SMARCA4: variants seen among roughly 807,000 people sequenced by gnomAD.
SMARCA4 encodes the protein SWI/SNF-related matrix-associated actin-dependent regulator of chromatin subfamily A member 4.
SMARCA4 carries 31 observed loss-of-function variants against 193.9 expected under a neutral mutation model. The ratio of observed to expected loss-of-function variants is 0.16; its 90% confidence interval spans 0.12 to 0.22. The LOEUF is 0.22. Among genes scored for constraint, SMARCA4 ranks in the 10% least tolerant of loss-of-function variants. SMARCA4 has a pLI of 1.00. For missense variants in SMARCA4, 1,148 were observed against 2,296.0 expected, an observed-to-expected ratio of 0.50 and a Z score of 10.22; for synonymous variants, 942 against 933.1, an observed-to-expected ratio of 1.01 and a Z score of -0.17.
At chr19:11,005,285 A>G (rs993828696) in intron 13 of SMARCA4, among the ~76,000 whole-genome samples, 1 of 152,182 alleles carries the variant, frequency 6.6e-6, no homozygotes, top group Admixed American at 6.5e-5. Context: ...TGGTTCCTGC[A>G]TAGTGTGTAT....
At chr19:11,060,263 T>G (rs1461205934) in intron 34 of SMARCA4, 76 bp downstream of exon 34, 1 of 1,516,868 alleles carries the variant, frequency 6.6e-7, no homozygotes, top group African/African-American at 1.4e-5. Flanking sequence ...GACAGCCCTG[T>G]GGGGCGGTGC....
At chr19:10,996,080 T>C (rs2087011399) in intron 9 of SMARCA4, 133 bp from the exon 10 acceptor site, 1 of 863,564 alleles carries the variant, frequency 1.2e-6, no homozygotes, top group African/African-American at 1.6e-5. Flanking sequence ...TCGATTGCCG[T>C]GTGAAGGGCT....
At chr19:11,002,538 T>G (rs1809103142) in intron 11 of SMARCA4, among the ~76,000 whole-genome samples, 1 of 151,234 alleles carries the variant, frequency 6.6e-6, no homozygotes, top group African/African-American at 2.4e-5. Flanking sequence ...GGCTCACGCC[T>G]GGAATCCCAG....
chr19:11,048,438 A>T (rs1157221321), intron 30 of SMARCA4, among the ~76,000 whole-genome samples: 1 of 152,226 alleles, frequency 6.6e-6, no homozygotes, highest in Admixed American at 6.5e-5. Flanking sequence ...AGAACCCTCT[A>T]AGTAGTTCAG....
intron 34 of SMARCA4, among the ~76,000 whole-genome samples, chr19:11,061,201 AAAAATATAT>A (rs1332028498): frequency 1.0e-4 from 7 of 69,954 alleles, no homozygotes; most frequent in African/African-American, 3.6e-4. Context: ...AAAAAAAAAA[AAAAATATAT>A]ATATATATAT....
intron 1 of SMARCA4, among the ~76,000 whole-genome samples, chr19:10,968,627 C>T (rs746078512): frequency 4.6e-5 from 7 of 152,100 alleles, no homozygotes; most frequent in Non-Finnish European, 5.9e-5. Flanking sequence ...TGATTACAGG[C>T]GTGATCCACT....
At chr19:11,014,471 A>C (rs2089166336) in intron 16 of SMARCA4, among the ~76,000 whole-genome samples, 1 of 152,196 alleles carries the variant, frequency 6.6e-6, no homozygotes, top group African/African-American at 2.4e-5. Flanking sequence ...CGCTGCAGGT[A>C]GCTGCACCTC....
Position 11,058,935 on chromosome 19 carries a change from G to A in SMARCA4, c.4635+46G>A, listed in dbSNP as rs1304373783. 2 of 1,462,384 alleles carry A rather than the reference G, an allele frequency of 1.4e-6. No individual in the cohort carries two copies. Among genetic ancestry groups the A allele is most frequent in the Admixed American group, 1.7e-5 (1 of 59,384 alleles). The allele number at this position is 1,462,384 out of a possible 1,614,324, so 90.6% of individuals were successfully genotyped here. A position where few individuals can be genotyped will look rare whatever the true frequency, so the allele number is the denominator to read the frequency against. Reference sequence around the variant, plus strand: ...TGGGGATGGGCCACTCCCACAGCTGGGCTTTGACCCAACCCGCCCCTCCTT... The same window carrying A: ...TGGGGATGGGCCACTCCCACAGCTGAGCTTTGACCCAACCCGCCCCTCCTT... On this transcript the variant is annotated intron_variant, in intron 32 of 34. Transcript: ENST00000344626. The surrounding 1 kb of genome is among the most constrained non-coding windows in gnomAD (Gnocchi z 5.8).
chr19:10,988,653 T>G (rs993456785), intron 6 of SMARCA4, among the ~76,000 whole-genome samples: 1 of 152,198 alleles, frequency 6.6e-6, no homozygotes, highest in African/African-American at 2.4e-5. Context: ...TGGGGTTCCC[T>G]CCTCATGGAG....
rs1417694502 is a variant in SMARCA4, at chr19:11,025,424, C to T, written c.3084C>T (p.Gly1028=). The T allele has an allele frequency of 6.2e-7, 1 of 1,612,420 alleles. No homozygotes were observed. The highest frequency in any genetic ancestry group is 8.5e-7 in the Non-Finnish European group (1 of 1,179,130). The change falls in exon 22 of 35, where the codon GGC becomes GGT. Residue 1028 remains glycine, a splice_region_variant and synonymous_variant. Transcript: ENST00000344626. ...GGTCCCTCTCATCTGCCTTCCAGGG[C>T]AAAGGCGGCACCAAGACCCTGATGA... is the stretch of plus-strand genomic sequence containing the variant. ...LTDGSEKDKK[G]KGGTKTLMNT...
chr19:11,037,332 G>A (rs997024693), intron 29 of SMARCA4, among the ~76,000 whole-genome samples: 1 of 152,000 alleles, frequency 6.6e-6, no homozygotes, highest in Non-Finnish European at 1.5e-5. Flanking sequence ...CTGTTCCCTC[G>A]CCCGCTGATT....
At position 11,058,325 on chromosome 19, in the gene SMARCA4, G is replaced by A. The variant is rs1555795053; in HGVS notation, c.4495G>A (p.Glu1499Lys). 6.2e-7 allele frequency: 1 copy of A among 1,613,446 alleles called. No individual in the cohort carries two copies. The highest frequency in any genetic ancestry group is 8.5e-7 in the Non-Finnish European group (1 of 1,179,754). ...PSRKELPEYY[E>K]LIRKPVDFKK... ...GCGAAAGGAGCTGCCCGAGTACTAC[G>A]AGCTCATCCGCAAGCCCGTGGACTT... Residue 1499 changes from glutamate (E) to lysine (K), a missense_variant, in exon 31 of 35, where the codon GAG (glutamate) becomes AAG (lysine). This residue lies in a region of SMARCA4 where 141 missense variants were observed against 193.0 expected (regional missense o/e 0.73). Coordinates refer to ENST00000344626, the MANE Select transcript of SMARCA4 (RefSeq NM_003072.5). The surrounding 1 kb of genome is among the most constrained non-coding windows in gnomAD (Gnocchi z 5.8).
At chr19:11,042,719 G>C (rs2075688787) in intron 30 of SMARCA4, among the ~76,000 whole-genome samples, 1 of 152,232 alleles carries the variant, frequency 6.6e-6, no homozygotes, top group African/African-American at 2.4e-5. Context: ...AGCTGTGGTG[G>C]TCCACACCTG....
chr19:11,007,948 C>T lies in SMARCA4; in HGVS notation c.2048C>T (p.Pro683Leu), dbSNP rs878854203. Residue 683 changes from proline to leucine, a missense_variant, in exon 14 of 35, where the codon CCC becomes CTC. By Grantham distance (98) the Pro-to-Leu change is moderately conservative. This residue lies in a region of SMARCA4 where 115 missense variants were observed against 175.1 expected (regional missense o/e 0.66). Coordinates refer to ENST00000344626, the MANE Select transcript of SMARCA4 (RefSeq NM_003072.5). ...CAGGCAGCACAGCCTCCCACCCTGC[C>T]CGTGGAGGAGAAGAAGAAGATTCCA... ...QPQAAQPPTL[P>L]VEEKKKIPDP... 1 of 1,613,658 alleles carries T rather than the reference C, an allele frequency of 6.2e-7. No homozygotes were observed. Among genetic ancestry groups the T allele is most frequent in the Non-Finnish European group, 8.5e-7 (1 of 1,179,768 alleles).
chr19:11,058,665 G>A lies in SMARCA4; in HGVS notation c.4534-123G>A, dbSNP rs1013820757. ...AGTGAGCCAGGTTACCGAGGCTGGC[G>A]CTTCGGCCACATCCTCATAGGCACG... On this transcript the variant is annotated intron_variant, in intron 31 of 34. Coordinates refer to ENST00000344626, the MANE Select transcript of SMARCA4 (RefSeq NM_003072.5). This position sits in a 1 kb window ranked among gnomAD's most constrained non-coding sequence, Gnocchi z 5.8. 15 of 828,810 alleles carry A rather than the reference G, an allele frequency of 1.8e-5. 1 individual carries two copies. Among genetic ancestry groups the A allele is most frequent in the African/African-American group, 6.7e-5 (4 of 59,566 alleles). 51.3% of individuals were successfully genotyped at this position (828,810 alleles called of 1,614,324 possible).
Position 10,986,799 on chromosome 19 carries a change from A to T in SMARCA4, c.761-106A>T. ...CCGCTTCCCCTGGGGCCGCTGGTTA[A>T]TAGGTGTATCTGCTGTGTCCCCTGG... On this transcript the variant is annotated intron_variant, in intron 4 of 34. Transcript: ENST00000344626. This position sits in a 1 kb window ranked among gnomAD's most constrained non-coding sequence, Gnocchi z 6.7. The T allele has an allele frequency of 8.0e-7, 1 of 1,243,506 alleles. No individual in the cohort carries two copies. Among genetic ancestry groups the T allele is most frequent in the Non-Finnish European group, 1.2e-6 (1 of 855,196 alleles). The allele number at this position is 1,243,506 out of a possible 1,614,324, so 77.0% of individuals were successfully genotyped here.
intron 8 of SMARCA4, among the ~76,000 whole-genome samples, chr19:10,992,788 C>T (rs2086670857): frequency 6.6e-6 from 1 of 152,050 alleles, no homozygotes; most frequent in Admixed American, 6.6e-5. Context: ...TGAGGTTTCA[C>T]TATGTTGGCC....
chr19:11,026,706 C>T (rs2090287761), intron 23 of SMARCA4, among the ~76,000 whole-genome samples: 1 of 152,080 alleles, frequency 6.6e-6, no homozygotes, highest in African/African-American at 2.4e-5. Flanking sequence ...ACCATGTTGA[C>T]CAGGCTGATC....
chr19:10,996,426 A>G (rs780323194), intron 10 of SMARCA4, 46 bp downstream of exon 10: 1 of 1,613,732 alleles, frequency 6.2e-7, no homozygotes, highest in Non-Finnish European at 8.5e-7. Flanking sequence ...GGATGGGAGC[A>G]GCCGTCTTCA....
Sources: gnomAD v4.1 joint callset for allele counts (sites outside exome capture counted in the v4.1 genomes callset) on GRCh38, gnomAD v4.1.1 for gene constraint, gnomAD v4.1.1 regional missense constraint, Gnocchi (gnomAD v3.1) non-coding constraint, MANE v1.5 for transcripts, NCBI Gene and HGNC (gene_info 2026-07-23, HGNC 2026-07-21) for gene names.